STK3: variants seen among roughly 807,000 people sequenced by gnomAD.
STK3 encodes the protein serine/threonine kinase 3.
A neutral mutation model predicts 58.0 loss-of-function variants in STK3; 41 were observed. The observed-to-expected ratio is 0.71, with a 90% CI of 0.55 to 0.92. STK3 has a LOEUF of 0.92. Ranked by LOEUF, STK3 falls within the 40% of genes least tolerant of loss-of-function variation. STK3 has a pLI of 0.00. For synonymous variants in STK3, 170 were observed against 191.0 expected, an observed-to-expected ratio of 0.89 and a Z score of 0.91; for missense variants, 479 against 602.7, an observed-to-expected ratio of 0.79 and a Z score of 2.15.
chr8:98,909,967 T>A (rs1012566003), intron 1 of STK3, among the ~76,000 whole-genome samples: 9 of 152,222 alleles, frequency 5.9e-5, no homozygotes, highest in African/African-American at 2.2e-4. Flanking sequence ...CCACTAGCAG[T>A]GTATGAGAAT....
At chr8:98,804,173 T>C (rs1481444849) in intron 1 of STK3, among the ~76,000 whole-genome samples, 1 of 152,000 alleles carries the variant, frequency 6.6e-6, no homozygotes, top group African/African-American at 2.4e-5. Context: ...GGCTAATTTT[T>C]GTATTTTTAG....
chr8:98,863,478 A>G (rs1837008940), intron 3 of STK3, among the ~76,000 whole-genome samples: 1 of 152,156 alleles, frequency 6.6e-6, no homozygotes, highest in Non-Finnish European at 1.5e-5. Flanking sequence ...ATTTACTTTG[A>G]GGAATTCATA....
At chr8:98,834,435 G>A (rs2131791798) in intron 3 of STK3, among the ~76,000 whole-genome samples, 1 of 152,302 alleles carries the variant, frequency 6.6e-6, no homozygotes. Flanking sequence ...AAAAAATGGG[G>A]AAATTGTAAT....
At chr8:98,571,273 T>C (rs1812941901) in intron 8 of STK3, among the ~76,000 whole-genome samples, 2 of 151,910 alleles carry the variant, frequency 1.3e-5, no homozygotes, top group South Asian at 4.2e-4. Context: ...GAGGTTGCAG[T>C]AAGCCGGGGA....
rs543412166 is a variant in STK3 at position 98,866,367 on chromosome 8, G to C, written c.110+17280C>G. 2.0e-5 allele frequency among the ~76,000 whole-genome samples: 3 copies of C among 152,304 alleles called. No individual in the cohort carries two copies. In the South Asian group the frequency reaches 6.2e-4, roughly 32 times the overall value. On this transcript the variant is annotated intron_variant, in intron 3 of 12. Coordinates refer to the STK3 transcript ENST00000523601. The stretch of plus-strand genomic sequence containing the variant: ...GGCTCTCACCCTGTGACTGCTTAAT[G>C]TAGTCTAGGAGGTTATGAAGCCCTC...
At chr8:98,750,233 G>T (rs559297205) in intron 3 of STK3, among the ~76,000 whole-genome samples, 97 of 152,050 alleles carry the variant, frequency 6.4e-4, no homozygotes, top group African/African-American at 2.3e-3. Flanking sequence ...GATTTTGAAA[G>T]AAAAGTTTAA....
intron 10 of STK3, among the ~76,000 whole-genome samples, chr8:98,502,586 C>G (rs888620285): frequency 3.9e-5 from 6 of 152,134 alleles, no homozygotes; most frequent in African/African-American, 1.4e-4. Context: ...CCATCAATAC[C>G]TAGTTTATTG....
intron 10 of STK3, among the ~76,000 whole-genome samples, chr8:98,477,702 CGGGGGGGGGG>C (rs1286720911): frequency 8.8e-4 from 2 of 2,280 alleles, no homozygotes; most frequent in African/African-American, 4.2e-3. Context: ...TCACACTTGG[CGGGGGGGGGG>C]GGGGTGGGCG....
chr8:98,673,800 C>A (rs1823000313), intron 6 of STK3, among the ~76,000 whole-genome samples: 1 of 151,926 alleles, frequency 6.6e-6, no homozygotes, highest in Non-Finnish European at 1.5e-5. Context: ...AAATAAAAAA[C>A]AATTTATTAA....
intron 10 of STK3, among the ~76,000 whole-genome samples, chr8:98,499,036 A>G (rs1330288620): frequency 2.0e-5 from 3 of 152,234 alleles, no homozygotes; most frequent in Admixed American, 2.0e-4. Context: ...AAATGCAATC[A>G]TAAATGTTCT....
intron 3 of STK3, among the ~76,000 whole-genome samples, chr8:98,407,766 G>GCA (rs1563594590): frequency 1.4e-4 from 21 of 151,478 alleles, no homozygotes; most frequent in Non-Finnish European, 2.7e-4. Context: ...GTGCGCGCGC[G>GCA]CGCGCATGCA....
intron 3 of STK3, among the ~76,000 whole-genome samples, chr8:98,850,300 A>T (rs1037815829): frequency 4.6e-5 from 7 of 152,168 alleles, no homozygotes; most frequent in Non-Finnish European, 7.3e-5. Flanking sequence ...CAGCTTCCTA[A>T]GTAGCTGGGA....
At chr8:98,430,573 G>C (rs148643548) in intron 3 of STK3, 5 of 167,106 alleles carry the variant, frequency 3.0e-5, no homozygotes, top group African/African-American at 1.2e-4. Flanking sequence ...ATAGTATGTT[G>C]TATATGATGC....
At chr8:98,796,996 C>A (rs1833218380) in intron 1 of STK3, among the ~76,000 whole-genome samples, 2 of 152,210 alleles carry the variant, frequency 1.3e-5, no homozygotes, top group South Asian at 4.1e-4. Context: ...CTTAAAGTCA[C>A]CAACCTCACC....
At chr8:98,531,203 TTATTTATGGCAGA>T (rs1189934582) in intron 9 of STK3, among the ~76,000 whole-genome samples, 1 of 152,244 alleles carries the variant, frequency 6.6e-6, no homozygotes, top group African/African-American at 2.4e-5. Flanking sequence ...AAAGCAATCA[TTATTTATGGCAGA>T]TATTGCCTTA....
intron 10 of STK3, among the ~76,000 whole-genome samples, chr8:98,518,098 TG>T (rs1825072470): frequency 6.6e-6 from 1 of 152,098 alleles, no homozygotes; most frequent in South Asian, 2.1e-4. Flanking sequence ...GAGCTCTTTT[TG>T]TAAGTCATTT....
intron 1 of STK3, among the ~76,000 whole-genome samples, chr8:98,447,563 G>C (rs1304596189): frequency 1.4e-5 from 2 of 145,562 alleles, no homozygotes; most frequent in Admixed American, 1.4e-4. Flanking sequence ...TATATATATA[G>C]TATCTATATA....
chr8:98,655,673 A>G (rs1036810049), intron 6 of STK3, among the ~76,000 whole-genome samples: 4 of 151,904 alleles, frequency 2.6e-5, no homozygotes, highest in African/African-American at 9.7e-5. Flanking sequence ...AAAGTGGGCG[A>G]AGGACATGAA....
chr8:98,648,464 T>G (rs1181635508), intron 6 of STK3, among the ~76,000 whole-genome samples: 2 of 152,246 alleles, frequency 1.3e-5, no homozygotes, highest in African/African-American at 4.8e-5. Flanking sequence ...TTTTATGAGA[T>G]AAATTCTAGG....
Sources: gnomAD v4.1 joint callset for allele counts (sites outside exome capture counted in the v4.1 genomes callset) on GRCh38, gnomAD v4.1.1 for gene constraint, MANE v1.5 for transcripts, NCBI Gene and HGNC (gene_info 2026-07-23, HGNC 2026-07-21) for gene names.